The following KIF1B variants were observed in gnomAD, a reference collection of about 807,000 sequenced individuals.
The protein encoded by KIF1B is kinesin-like protein KIF1B.
KIF1B carries 76 observed loss-of-function variants against 241.9 expected under a neutral mutation model. That is an observed-to-expected ratio of 0.31 (90% CI 0.26 to 0.38). The LOEUF (loss-of-function observed/expected upper bound fraction) is 0.38, where lower values mean the gene tolerates loss of function less well. Among genes scored for constraint, KIF1B ranks in the 10% least tolerant of loss-of-function variants. KIF1B has a pLI of 1.00. For missense variants in KIF1B, 1,622 were observed against 2,271.4 expected (o/e 0.71, Z 5.81); for synonymous variants, 750 against 796.7 (o/e 0.94, Z 0.99).
rs749037941 is a variant in KIF1B, at chr1:10,304,656, C to G, written c.2115+7410C>G. The G allele has an allele frequency of 5.4e-5, 87 of 1,613,388 alleles. No individual in the cohort carries two copies. In the Admixed American group the frequency reaches 1.4e-3, roughly 26 times the overall value. On this transcript the variant is annotated intron_variant, in intron 22 of 48. Transcript: ENST00000676179. ...GAGAAACCACAGTATAAATCAGTTACTGGACAAACTTGAAATCATGGTGGA... is the reference window on the plus strand; with the variant it reads ...GAGAAACCACAGTATAAATCAGTTAGTGGACAAACTTGAAATCATGGTGGA...
In KIF1B at chr1:10,337,646, T is replaced by A; in HGVS notation, c.3422+113T>A. The A allele has an allele frequency of 8.4e-7, 1 of 1,193,798 alleles. No individual in the cohort carries two copies. Among genetic ancestry groups the A allele is most frequent in the Non-Finnish European group, 1.2e-6 (1 of 815,436 alleles). 74.0% of individuals were successfully genotyped at this position (1,193,798 alleles called of 1,614,324 possible). A position where few individuals can be genotyped will look rare whatever the true frequency, so the allele number is the denominator to read the frequency against. On this transcript the variant is annotated intron_variant, in intron 31 of 48. Coordinates refer to ENST00000676179, the MANE Select transcript of KIF1B (RefSeq NM_001365951.3). The surrounding 1 kb of genome is among the most constrained non-coding windows in gnomAD (Gnocchi z 4.0). ...GGATTAACACTCTTGAGACAAAGAC[T>A]GATCAGTCTCTGAAGGAAAATACTT...
At chr1:10,369,709 G>T (rs140359990) in intron 44 of KIF1B, among the ~76,000 whole-genome samples, 1 of 152,346 alleles carries the variant, frequency 6.6e-6, no homozygotes, top group African/African-American at 2.4e-5. Context: ...AAGGCGGGAA[G>T]ATCACCTGAG....
intron 1 of KIF1B, among the ~76,000 whole-genome samples, chr1:10,214,417 G>C (rs1209187716): frequency 6.6e-6 from 1 of 151,642 alleles, no homozygotes; most frequent in Non-Finnish European, 1.5e-5. Context: ...AGCCTCCCAA[G>C]TAGCTGGGAT....
chr1:10,322,815 A>G (rs192106043), intron 24 of KIF1B, among the ~76,000 whole-genome samples: 5 of 152,352 alleles, frequency 3.3e-5, no homozygotes, highest in Admixed American at 1.3e-4. Context: ...CATTTAATTA[A>G]TATTAAATAA....
intron 37 of KIF1B, among the ~76,000 whole-genome samples, chr1:10,349,330 G>A (rs909569838): frequency 3.3e-5 from 5 of 152,036 alleles, no homozygotes; most frequent in African/African-American, 1.2e-4. Flanking sequence ...GGCTACTCGG[G>A]AGGCTGAGGT....
At chr1:10,251,928 C>G (rs1357785623) in intron 2 of KIF1B, among the ~76,000 whole-genome samples, 1 of 152,134 alleles carries the variant, frequency 6.6e-6, no homozygotes, top group Admixed American at 6.6e-5. Flanking sequence ...AACCTAGAAT[C>G]TGACTCACAC....
rs1019184745 is a variant in KIF1B, at chr1:10,379,694, G to C, written c.*3107G>C. 1.7e-5 allele frequency: 4 copies of C among 231,126 alleles called. No individual in the cohort carries two copies. The allele number at this position is 231,126 out of a possible 1,614,324, so 14.3% of individuals were successfully genotyped here. A position where few individuals can be genotyped will look rare whatever the true frequency, so the allele number is the denominator to read the frequency against. On this transcript the variant is annotated 3_prime_UTR_variant, in exon 49 of 49. Coordinates refer to ENST00000676179, the MANE Select transcript of KIF1B (RefSeq NM_001365951.3). ...GGCAAATTCAGAGAAATAAGTGCTAGTTAATACTAATCACCTCCTCCTCTG... is the reference window on the plus strand; with the variant it reads ...GGCAAATTCAGAGAAATAAGTGCTACTTAATACTAATCACCTCCTCCTCTG...
intron 2 of KIF1B, among the ~76,000 whole-genome samples, chr1:10,249,134 C>G (rs960242413): frequency 2.6e-5 from 4 of 152,178 alleles, no homozygotes; most frequent in Non-Finnish European, 5.9e-5. Context: ...GGGGTGGGTA[C>G]TAAATTCGTA....
At chr1:10,351,779 G>A (rs748894101) in intron 37 of KIF1B, among the ~76,000 whole-genome samples, 37 of 152,198 alleles carry the variant, frequency 2.4e-4, no homozygotes, top group East Asian at 1.7e-3. Flanking sequence ...CAGCCTGAGC[G>A]ACATAGTGGG....
In KIF1B at chr1:10,378,908, A is replaced by G. The variant is rs567547345; in HGVS notation, c.*2321A>G. On this transcript the variant is annotated 3_prime_UTR_variant, in exon 49 of 49. Coordinates refer to ENST00000676179, the MANE Select transcript of KIF1B (RefSeq NM_001365951.3). ...TTAACTTTCTTCTTCCTGTTAAAAC[A>G]TAGGTCACTAACTGTGATGTTATTT... is the stretch of plus-strand genomic sequence containing the variant. The G allele has an allele frequency of 4.6e-4, 108 of 236,964 alleles. 2 individuals carry two copies. In the South Asian group the frequency reaches 0.016, roughly 36 times the overall value. The allele number at this position is 236,964 out of a possible 1,614,324, so 14.7% of individuals were successfully genotyped here. A position where few individuals can be genotyped will look rare whatever the true frequency, so the allele number is the denominator to read the frequency against.
rs777006282 is a variant in KIF1B, at chr1:10,220,409, A to AGAT, written c.-80+9532_-80+9534dup. 6.1e-3 allele frequency among the ~76,000 whole-genome samples: 913 copies of AGAT among 150,408 alleles called. 2 individuals are homozygous for AGAT. The highest frequency in any genetic ancestry group is 7.1e-3 in the Non-Finnish European group (482 of 67,780). On this transcript the variant is annotated intron_variant, in intron 1 of 48. Coordinates refer to ENST00000676179, the MANE Select transcript of KIF1B (RefSeq NM_001365951.3). ...ATAGATAGATAGATGATAGATAGAT[A>AGAT]GATAGATAGATAGATAGATAGATAG... is the stretch of plus-strand genomic sequence containing the variant.
At chr1:10,294,924 A>G (rs1650187996) in intron 17 of KIF1B, among the ~76,000 whole-genome samples, 162 bp from the exon 18 acceptor site, 1 of 152,110 alleles carries the variant, frequency 6.6e-6, no homozygotes. Flanking sequence ...GCCTGAAGAG[A>G]GTGTTTTCTC....
Position 10,361,036 on chromosome 1 carries a change from A to G in KIF1B, c.4163A>G (p.Tyr1388Cys). 1 of 1,607,574 alleles carries G rather than the reference A, an allele frequency of 6.2e-7. No homozygotes were observed. The highest frequency in any genetic ancestry group is 8.5e-7 in the Non-Finnish European group (1 of 1,174,050). Residue 1388 changes from tyrosine to cysteine, a missense_variant, in exon 39 of 49, where the codon TAC becomes TGC. By Grantham distance (194) the Tyr-to-Cys change is radical. Transcript: ENST00000676179. ...GEKIYMTLSAYLELDHCIQPA... is the reference protein window; with the variant it reads ...GEKIYMTLSACLELDHCIQPA... ...AAGATCTACATGACCTTGTCGGCCT[A>G]CCTAGAGGTGAGGAGACTTGGAACT...
At chr1:10,307,107 C>G (rs750649634) in intron 22 of KIF1B, 74 of 1,033,198 alleles carry the variant, frequency 7.2e-5, no homozygotes, top group Non-Finnish European at 8.6e-5. Flanking sequence ...TAAAATATCC[C>G]TTAATTTCAC....
Position 10,341,967 on chromosome 1 carries a change from A to G in KIF1B, c.3514-83A>G, listed in dbSNP as rs550144336. 2.8e-3 allele frequency: 2,699 copies of G among 964,046 alleles called. 51 individuals are homozygous for G. In the African/African-American group the frequency reaches 0.039, roughly 14 times the overall value. The allele number at this position is 964,046 out of a possible 1,614,324, so 59.7% of individuals were successfully genotyped here. Reference sequence around the variant, plus strand: ...ACCTTGCCTCAAAAAAAAAAAAAAAAACCCAAAATACGTACTAAAGTTCTG... The same window carrying G: ...ACCTTGCCTCAAAAAAAAAAAAAAAGACCCAAAATACGTACTAAAGTTCTG... On this transcript the variant is annotated intron_variant, in intron 32 of 48. Coordinates refer to ENST00000676179, the MANE Select transcript of KIF1B (RefSeq NM_001365951.3).
intron 27 of KIF1B, among the ~76,000 whole-genome samples, chr1:10,330,112 C>G (rs1651867810): frequency 1.3e-5 from 2 of 152,196 alleles, no homozygotes; most frequent in Admixed American, 1.3e-4. Context: ...ATATTCCCCT[C>G]TCTCATCCCT....
chr1:10,277,905 G>T, intron 12 of KIF1B, 81 bp from the exon 13 acceptor site: 2 of 1,250,508 alleles, frequency 1.6e-6, no homozygotes, highest in Non-Finnish European at 2.3e-6. Flanking sequence ...CAGGATATTT[G>T]ATTTAGAGAT....
chr1:10,345,828 C>CT lies in KIF1B; in HGVS notation c.3689-16dup. On this transcript the variant is annotated splice_polypyrimidine_tract_variant and intron_variant, in intron 34 of 48. Transcript: ENST00000676179. ...GTCTTGGACCAGATTTTGACATACT[C>CT]TAAAAACTTTTAAAAGTTCCAGCCA... 6.2e-7 allele frequency: 1 copy of CT among 1,605,198 alleles called. No individual in the cohort carries two copies. The highest frequency in any genetic ancestry group is 8.5e-7 in the Non-Finnish European group (1 of 1,172,162).
intron 27 of KIF1B, among the ~76,000 whole-genome samples, chr1:10,329,947 A>C (rs1557717874): frequency 6.6e-6 from 1 of 152,182 alleles, no homozygotes; most frequent in African/African-American, 2.4e-5. Context: ...AAGGGGGTTA[A>C]AGATGATGAT....
Sources: gnomAD v4.1 joint callset for allele counts (sites outside exome capture counted in the v4.1 genomes callset) on GRCh38, gnomAD v4.1.1 for gene constraint, Gnocchi (gnomAD v3.1) non-coding constraint, MANE v1.5 for transcripts, NCBI Gene and HGNC (gene_info 2026-07-23, HGNC 2026-07-21) for gene names.